The following MIA2 variants were observed in gnomAD, a reference collection of about 807,000 sequenced individuals.
MIA2 encodes the protein MIA SH3 domain ER export factor 2, also known as melanoma inhibitory activity protein 2.
Under a neutral mutation model 167.8 loss-of-function variants are expected in MIA2, and 127 were observed. That is an observed-to-expected ratio of 0.76 (90% CI 0.66 to 0.88). The LOEUF is 0.88. Ranked by LOEUF, MIA2 falls within the 40% of genes least tolerant of loss-of-function variation. MIA2 has a pLI of 0.00. For synonymous variants in MIA2, 552 were observed against 541.9 expected (o/e 1.02, Z -0.26); for missense variants, 1,690 against 1,624.7 (o/e 1.04, Z -0.69).
intron 6 of MIA2, chr14:39,265,787 AAAGAT>A (rs1449711383): frequency 6.8e-5 from 14 of 204,600 alleles, no homozygotes; most frequent in South Asian, 6.3e-4. Context: ...GTGAAATTCT[AAAGAT>A]AAAAGTTTGA....
chr14:39,318,460 A>G (rs980904229), intron 22 of MIA2, among the ~76,000 whole-genome samples: 5 of 152,196 alleles, frequency 3.3e-5, no homozygotes, highest in African/African-American at 1.2e-4. Context: ...ATAAAAGTCT[A>G]CAATGTACAA....
At chr14:39,277,750 A>G (rs1428011244) in intron 7 of MIA2, among the ~76,000 whole-genome samples, 1 of 15,054 alleles carries the variant, frequency 6.6e-5, no homozygotes. Context: ...ATATGTGTGT[A>G]TATATATATA....
intron 23 of MIA2, chr14:39,385,718 CCTT>C (rs2075262093): frequency 4.1e-6 from 4 of 966,352 alleles, no homozygotes; most frequent in Admixed American, 1.7e-5. Flanking sequence ...AGACTATAGT[CCTT>C]CTTACGTGTC....
intron 23 of MIA2, among the ~76,000 whole-genome samples, chr14:39,365,873 T>C (rs1287465461): frequency 6.6e-6 from 1 of 152,238 alleles, no homozygotes; most frequent in African/African-American, 2.4e-5. Flanking sequence ...TCTCTGGCTG[T>C]GTCACATTTT....
At chr14:39,334,937 T>C (rs1192745525) in intron 25 of MIA2, among the ~76,000 whole-genome samples, 7 of 152,142 alleles carry the variant, frequency 4.6e-5, no homozygotes, top group African/African-American at 1.7e-4. Flanking sequence ...TTACCTGTCA[T>C]GGTTTTCTCT....
chr14:39,302,068 T>G, intron 14 of MIA2, 61 bp from the exon 15 acceptor site: 1 of 1,548,194 alleles, frequency 6.5e-7, no homozygotes, highest in African/African-American at 1.4e-5. Context: ...CATTCACAAG[T>G]TGTAAAGCTG....
chr14:39,362,230 C>T (rs1221480714), intron 23 of MIA2, among the ~76,000 whole-genome samples: 2 of 152,058 alleles, frequency 1.3e-5, no homozygotes, highest in African/African-American at 4.8e-5. Context: ...ATTTCCTCCT[C>T]TTCATTTTTT....
At chr14:39,244,164 A>C (rs2054186318) in intron 3 of MIA2, among the ~76,000 whole-genome samples, 1 of 152,272 alleles carries the variant, frequency 6.6e-6, no homozygotes, top group South Asian at 2.1e-4. Context: ...ATAGCTTTGC[A>C]TAGAAAAGAG....
At position 39,317,958 on chromosome 14, in the gene MIA2, T is replaced by C; in HGVS notation, c.3231T>C (p.Asn1077=). ...TTTTCTTCAAGTTGGCAGCTCGGAA[T>C]GCTGAAAGAAACCTCAATGATTTAA... is the stretch of plus-strand genomic sequence containing the variant. ...KAHDNWLAAR[N]AERNLNDLRK... is the part of the protein sequence containing the mutation. Residue 1077 remains asparagine (N), a synonymous_variant, in exon 22 of 29, where the codon AAT becomes AAC. Transcript: ENST00000640607. 6.3e-7 allele frequency: 1 copy of C among 1,582,272 alleles called. No homozygotes were observed. The highest frequency in any genetic ancestry group is 8.6e-7 in the Non-Finnish European group (1 of 1,167,482).
intron 23 of MIA2, among the ~76,000 whole-genome samples, chr14:39,361,357 C>T (rs540924627): frequency 2.6e-5 from 4 of 151,974 alleles, no homozygotes; most frequent in South Asian, 4.2e-4. Context: ...AGGCCTTTCA[C>T]CTCCTTGTTT....
chr14:39,273,780 G>C (rs146926639), intron 6 of MIA2, among the ~76,000 whole-genome samples: 186 of 152,178 alleles, frequency 1.2e-3, no homozygotes, highest in African/African-American at 4.1e-3. Flanking sequence ...AGATATATTG[G>C]TGTGTGATTT....
At chr14:39,368,680 C>CTTTTTTTTTTTT (rs35895928) in intron 23 of MIA2, among the ~76,000 whole-genome samples, 2 of 102,564 alleles carry the variant, frequency 1.9e-5, no homozygotes, top group South Asian at 2.7e-4. Context: ...TTTTTCTTTT[C>CTTTTTTTTTTTT]TTTTTTTTGT....
intron 23 of MIA2, among the ~76,000 whole-genome samples, chr14:39,356,740 T>C (rs2074538176): frequency 6.6e-6 from 1 of 152,240 alleles, no homozygotes; most frequent in Non-Finnish European, 1.5e-5. Context: ...CCAGAGATTC[T>C]GGTATGTTGT....
chr14:39,291,243 A>G (rs752122388), intron 10 of MIA2, 147 bp downstream of exon 10: 1 of 596,834 alleles, frequency 1.7e-6, no homozygotes, highest in Non-Finnish European at 2.7e-6. Flanking sequence ...AAATTAATAT[A>G]GGAAATGGGA....
At chr14:39,314,840 A>G (rs112379214) in intron 20 of MIA2, 41 bp downstream of exon 20, 226,619 of 654,320 alleles carry the variant, frequency 0.35, 30,897 homozygotes, top group African/African-American at 0.44. Flanking sequence ...GTGTGTGTAT[A>G]TATATATAAT....
At chr14:39,357,337 G>T (rs2074555642) in intron 23 of MIA2, among the ~76,000 whole-genome samples, 1 of 152,102 alleles carries the variant, frequency 6.6e-6, no homozygotes. Context: ...GATCTTTGTT[G>T]GTTTAAAGTC....
chr14:39,348,661 G>T, intron 27 of MIA2, 82 bp from the exon 28 acceptor site: 2 of 1,551,416 alleles, frequency 1.3e-6, no homozygotes, highest in South Asian at 2.2e-5. Context: ...CTGTCTAGAT[G>T]ATTTCTTCTA....
At position 39,308,431 on chromosome 14, in the gene MIA2, C is replaced by T; in HGVS notation, c.2879-18C>T. On this transcript the variant is annotated intron_variant, in intron 17 of 28. Transcript: ENST00000640607. ...CAAAATGTTTCTCCTTTAATTATGA[C>T]TTAAAATTTTTATATAGAGCATATT... is the stretch of plus-strand genomic sequence containing the variant. 1 of 1,416,276 alleles carries T rather than the reference C, an allele frequency of 7.1e-7. No individual in the cohort carries two copies. The highest frequency in any genetic ancestry group is 9.4e-7 in the Non-Finnish European group (1 of 1,059,144). 87.7% of individuals were successfully genotyped at this position (1,416,276 alleles called of 1,614,324 possible). A position where few individuals can be genotyped will look rare whatever the true frequency, so the allele number is the denominator to read the frequency against.
At chr14:39,259,619 C>T (rs1453693056) in intron 6 of MIA2, among the ~76,000 whole-genome samples, 1 of 151,710 alleles carries the variant, frequency 6.6e-6, no homozygotes, top group Non-Finnish European at 1.5e-5. Flanking sequence ...CAGCCTCAGC[C>T]TGCTGGGCTG....
Sources: gnomAD v4.1 joint callset for allele counts (sites outside exome capture counted in the v4.1 genomes callset) on GRCh38, gnomAD v4.1.1 for gene constraint, MANE v1.5 for transcripts, NCBI Gene and HGNC (gene_info 2026-07-23, HGNC 2026-07-21) for gene names.